Variants in CHRNA7 observed in about 807,000 individuals in gnomAD.
CHRNA7 encodes the protein cholinergic receptor nicotinic alpha 7 subunit.
In CHRNA7, 17 loss-of-function variants were observed where a neutral mutation model predicts 48.0. The observed-to-expected ratio is 0.35, with a 90% CI of 0.24 to 0.53. The LOEUF is 0.53. CHRNA7 is among the 20% of genes least tolerant of loss of function. The pLI, the probability that CHRNA7 is intolerant of heterozygous loss-of-function variation, is 0.92. For missense variants in CHRNA7, 155 were observed against 577.7 expected, an observed-to-expected ratio of 0.27 and a Z score of 7.50; for synonymous variants, 75 against 242.3, an observed-to-expected ratio of 0.31 and a Z score of 6.41.
intron 2 of CHRNA7, among the ~76,000 whole-genome samples, chr15:32,080,079 A>G (rs980171835): frequency 1.1e-4 from 17 of 152,110 alleles, no homozygotes; most frequent in African/African-American, 3.4e-4. Flanking sequence ...AAATGGTGCT[A>G]GGAGAACTGG....
At chr15:32,034,281 C>G (rs1241825231) in intron 2 of CHRNA7, among the ~76,000 whole-genome samples, 1 of 152,160 alleles carries the variant, frequency 6.6e-6, no homozygotes, top group Non-Finnish European at 1.5e-5. Flanking sequence ...AGCTCACTTT[C>G]AACAAGGTGT....
chr15:32,052,880 G>T (rs2049716810), intron 2 of CHRNA7, among the ~76,000 whole-genome samples: 1 of 152,142 alleles, frequency 6.6e-6, no homozygotes, highest in African/African-American at 2.4e-5. Context: ...GAGCAGACTT[G>T]TAATTTTCCC....
chr15:32,032,062 T>G (rs915516612), intron 2 of CHRNA7, among the ~76,000 whole-genome samples: 4 of 152,190 alleles, frequency 2.6e-5, no homozygotes, highest in Admixed American at 2.0e-4. Flanking sequence ...ATCCTACAAA[T>G]AAACAGTTAC....
chr15:32,095,707 A>G (rs2050457678), intron 2 of CHRNA7, among the ~76,000 whole-genome samples: 1 of 152,184 alleles, frequency 6.6e-6, no homozygotes, highest in Non-Finnish European at 1.5e-5. Flanking sequence ...AACCATTATG[A>G]AAAAAAGATT....
chr15:32,061,354 G>A (rs2049875451), intron 2 of CHRNA7, among the ~76,000 whole-genome samples: 2 of 152,156 alleles, frequency 1.3e-5, no homozygotes, highest in African/African-American at 4.8e-5. Context: ...CTCAAGGTCT[G>A]GTTCAAATGG....
At chr15:32,084,920 C>T (rs1471665950) in intron 2 of CHRNA7, among the ~76,000 whole-genome samples, 4 of 151,736 alleles carry the variant, frequency 2.6e-5, no homozygotes, top group Admixed American at 1.3e-4. Flanking sequence ...GCAACCTCCG[C>T]GTCCTGGGTT....
rs146548702 is a variant in CHRNA7, at chr15:32,052,617, T to C, written c.195+21580T>C. On this transcript the variant is annotated intron_variant, in intron 2 of 9. Coordinates refer to ENST00000306901, the MANE Select transcript of CHRNA7 (RefSeq NM_000746.6). ...GATGGCGCATGCCTGTAGTCCCAGCTACTCGGGAGGCTGAGGCAGGAGAAT... is the reference window on the plus strand; with the variant it reads ...GATGGCGCATGCCTGTAGTCCCAGCCACTCGGGAGGCTGAGGCAGGAGAAT... Among the ~76,000 whole-genome samples the C allele has an allele frequency of 9.3e-3, 1,409 of 152,208 alleles. 9 individuals are homozygous for C. The highest frequency in any genetic ancestry group is 0.031 in the South Asian group (148 of 4,822).
At chr15:32,036,475 T>G (rs1025290108) in intron 2 of CHRNA7, among the ~76,000 whole-genome samples, 1 of 152,214 alleles carries the variant, frequency 6.6e-6, no homozygotes, top group African/African-American at 2.4e-5. Context: ...GTTCGTATGC[T>G]AAGAGTATGT....
At chr15:32,133,323 C>T (rs2051188575) in intron 4 of CHRNA7, among the ~76,000 whole-genome samples, 1 of 152,150 alleles carries the variant, frequency 6.6e-6, no homozygotes, top group Admixed American at 6.5e-5. Context: ...AGCTCCTTCA[C>T]GTCCATTTAT....
intron 2 of CHRNA7, among the ~76,000 whole-genome samples, chr15:32,047,152 G>C (rs35831694): frequency 8.4e-6 from 1 of 119,298 alleles, no homozygotes; most frequent in South Asian, 2.6e-4. Flanking sequence ...TTGGTGATGC[G>C]GGCTCTTTTT....
At chr15:32,148,832 C>T (rs775345392) in intron 4 of CHRNA7, among the ~76,000 whole-genome samples, 3 of 152,224 alleles carry the variant, frequency 2.0e-5, no homozygotes, top group Non-Finnish European at 4.4e-5. Context: ...TGGCTTATCT[C>T]CAAGTGTGTG....
intron 4 of CHRNA7, among the ~76,000 whole-genome samples, chr15:32,136,717 G>A (rs917741888): frequency 1.3e-5 from 2 of 151,470 alleles, no homozygotes; most frequent in Non-Finnish European, 2.9e-5. Context: ...ACAAGTAGGG[G>A]TCGAATGGGG....
At chr15:32,094,231 A>T (rs534977653) in intron 2 of CHRNA7, among the ~76,000 whole-genome samples, 1 of 152,306 alleles carries the variant, frequency 6.6e-6, no homozygotes, top group East Asian at 1.9e-4. Flanking sequence ...GCTTGAAGGA[A>T]GTCAGGTTGC....
intron 2 of CHRNA7, among the ~76,000 whole-genome samples, chr15:32,094,338 A>G (rs2050431561): frequency 1.3e-5 from 2 of 152,178 alleles, no homozygotes; most frequent in African/African-American, 2.4e-5. Context: ...TAGACACTTA[A>G]TTCCTAAGCC....
intron 2 of CHRNA7, among the ~76,000 whole-genome samples, chr15:32,051,727 A>G (rs1024406444): frequency 2.0e-5 from 3 of 152,106 alleles, no homozygotes; most frequent in African/African-American, 4.8e-5. Context: ...TGCAGGAATC[A>G]CCCGTCTTCT....
At chr15:32,113,278 T>C (rs946511518) in intron 4 of CHRNA7, among the ~76,000 whole-genome samples, 2 of 152,182 alleles carry the variant, frequency 1.3e-5, no homozygotes, top group Non-Finnish European at 2.9e-5. Context: ...TGCCCTAGTC[T>C]CCTCTTCCTG....
At chr15:32,107,762 C>T (rs764405546) in intron 3 of CHRNA7, among the ~76,000 whole-genome samples, 5 of 152,148 alleles carry the variant, frequency 3.3e-5, no homozygotes, top group Non-Finnish European at 7.3e-5. Flanking sequence ...AACCCCGTCT[C>T]GAGCCCCTTT....
intron 4 of CHRNA7, among the ~76,000 whole-genome samples, chr15:32,123,025 A>T (rs1056628399): frequency 6.6e-6 from 1 of 152,234 alleles, no homozygotes; most frequent in Non-Finnish European, 1.5e-5. Context: ...AGCAGTTTTA[A>T]ATATGTAAAG....
At chr15:32,038,608 A>C (rs933125522) in intron 2 of CHRNA7, among the ~76,000 whole-genome samples, 17 of 152,158 alleles carry the variant, frequency 1.1e-4, no homozygotes, top group African/African-American at 4.1e-4. Context: ...AGCTCAGTTG[A>C]TCTGCCTGTC....
Sources: allele counts gnomAD v4.1 joint callset (sites outside exome capture counted in the v4.1 genomes callset), GRCh38; gene constraint gnomAD v4.1.1; transcripts MANE v1.5; gene names NCBI Gene and HGNC (gene_info 2026-07-23, HGNC 2026-07-21).